The following BTBD9 variants were observed in gnomAD, a reference collection of about 807,000 sequenced individuals.
The protein encoded by BTBD9 is BTB domain containing 9.
BTBD9 carries 49 observed loss-of-function variants against 64.3 expected under a neutral mutation model. The ratio of observed to expected loss-of-function variants is 0.76; its 90% confidence interval spans 0.61 to 0.97. The LOEUF (loss-of-function observed/expected upper bound fraction) is 0.97. Among genes scored for constraint, BTBD9 ranks in the 50% least tolerant of loss-of-function variants. BTBD9 has a pLI of 0.00. For missense variants in BTBD9, 598 were observed against 762.1 expected (o/e 0.78, Z 2.53); for synonymous variants, 260 against 274.7 (o/e 0.95, Z 0.53).
intron 8 of BTBD9, among the ~76,000 whole-genome samples, chr6:38,256,767 T>G (rs773036302): frequency 2.0e-5 from 3 of 152,188 alleles, no homozygotes; most frequent in Non-Finnish European, 4.4e-5. Context: ...CAAAGTTCTT[T>G]ATACTGGTTT....
At chr6:38,412,725 G>A (rs564668814) in intron 6 of BTBD9, among the ~76,000 whole-genome samples, 13 of 152,222 alleles carry the variant, frequency 8.5e-5, no homozygotes, top group Non-Finnish European at 1.5e-4. Context: ...CGGATGTGAT[G>A]GCGTGTGCCT....
intron 9 of BTBD9, among the ~76,000 whole-genome samples, chr6:38,205,872 T>C (rs1314621231): frequency 2.5e-4 from 3 of 12,164 alleles, no homozygotes; most frequent in South Asian, 2.4e-3. Context: ...AGAGCAGGAG[T>C]CTGTCTCAAA....
At chr6:38,239,418 G>A (rs1201950704) in intron 9 of BTBD9, among the ~76,000 whole-genome samples, 6 of 129,786 alleles carry the variant, frequency 4.6e-5, no homozygotes, top group Admixed American at 9.2e-5. Context: ...GTAGCCTGGC[G>A]ACAGAGCAAG....
At chr6:38,194,611 G>T (rs1192835381) in intron 9 of BTBD9, among the ~76,000 whole-genome samples, 1 of 152,194 alleles carries the variant, frequency 6.6e-6, no homozygotes, top group East Asian at 1.9e-4. Context: ...GGCTCTGAGA[G>T]TGAAGGCAGG....
At chr6:38,183,018 C>T (rs539904928) in intron 10 of BTBD9, among the ~76,000 whole-genome samples, 28 of 150,678 alleles carry the variant, frequency 1.9e-4, no homozygotes, top group African/African-American at 4.4e-4. Context: ...CTTGCTCTGT[C>T]GCCCAGGCTG....
intron 6 of BTBD9, among the ~76,000 whole-genome samples, chr6:38,541,199 GA>G (rs1774252375): frequency 6.6e-6 from 1 of 151,880 alleles, no homozygotes; most frequent in Non-Finnish European, 1.5e-5. Context: ...TAAAAAGCAT[GA>G]AAAAAATGAA....
At chr6:38,614,012 G>A (rs534743798) in intron 1 of BTBD9, among the ~76,000 whole-genome samples, 1 of 152,280 alleles carries the variant, frequency 6.6e-6, no homozygotes, top group South Asian at 2.1e-4. Context: ...CTTTGCTGGT[G>A]AGGAGCCCTC....
intron 6 of BTBD9, among the ~76,000 whole-genome samples, chr6:38,485,364 CA>C: frequency 6.6e-6 from 1 of 152,266 alleles, no homozygotes; most frequent in South Asian, 2.1e-4. Context: ...TCAGAGGAAT[CA>C]AAAGAATTTG....
intron 6 of BTBD9, among the ~76,000 whole-genome samples, chr6:38,481,009 T>C (rs1259219714): frequency 6.6e-6 from 1 of 152,188 alleles, no homozygotes; most frequent in African/African-American, 2.4e-5. Flanking sequence ...GAGCTTTATA[T>C]CTAGACTCAA....
At chr6:38,415,280 A>G (rs985494510) in intron 6 of BTBD9, among the ~76,000 whole-genome samples, 2 of 152,146 alleles carry the variant, frequency 1.3e-5, no homozygotes, top group Non-Finnish European at 2.9e-5. Flanking sequence ...GAGATTATTT[A>G]CCCTGGATTA....
intron 6 of BTBD9, among the ~76,000 whole-genome samples, chr6:38,559,661 T>G (rs1775186743): frequency 6.6e-6 from 1 of 152,128 alleles, no homozygotes; most frequent in Non-Finnish European, 1.5e-5. Context: ...AGGCATCACA[T>G]TACCTACTTC....
chr6:38,631,380 C>T (rs1778357056), intron 1 of BTBD9, among the ~76,000 whole-genome samples: 1 of 152,166 alleles, frequency 6.6e-6, no homozygotes, highest in Admixed American at 6.5e-5. Context: ...AATTATTTGA[C>T]TCTCCCCTCA....
At position 38,169,483 on chromosome 6, in the gene BTBD9, C is replaced by CAGATG. The variant is rs3833668; in HGVS notation, c.*5501_*5502insCATCT. 1 of 151,688 alleles carries CAGATG rather than the reference C, an allele frequency of 6.6e-6. No homozygotes were observed. Among genetic ancestry groups the CAGATG allele is most frequent in the Non-Finnish European group, 1.5e-5 (1 of 67,946 alleles). 9.4% of individuals were successfully genotyped at this position (151,688 alleles called of 1,614,324 possible). On this transcript the variant is annotated 3_prime_UTR_variant, in exon 11 of 11. Coordinates refer to ENST00000481247, the MANE Select transcript of BTBD9 (RefSeq NM_001099272.2). ...TGGTGGGGAGCAATTTGGCAGCAGA[C>CAGATG]GGACTAATATCAACGTCTCCAGTGA... is the stretch of plus-strand genomic sequence containing the variant.
At chr6:38,403,109 G>GGAAAGAA (rs142073451) in intron 6 of BTBD9, among the ~76,000 whole-genome samples, 1 of 146,578 alleles carries the variant, frequency 6.8e-6, no homozygotes, top group Admixed American at 6.9e-5. Context: ...GAGGGGAGAA[G>GGAAAGAA]AAGGAAAGAA....
chr6:38,622,750 A>G (rs1261258753), intron 1 of BTBD9, among the ~76,000 whole-genome samples: 1 of 152,286 alleles, frequency 6.6e-6, no homozygotes. Flanking sequence ...CAGTGTAATT[A>G]CACCCTACAA....
chr6:38,465,763 A>G (rs1386127786), intron 6 of BTBD9, among the ~76,000 whole-genome samples: 3 of 108,892 alleles, frequency 2.8e-5, no homozygotes, highest in Admixed American at 2.0e-4. Flanking sequence ...ATATGTATGT[A>G]TGTATGTATT....
intron 7 of BTBD9, among the ~76,000 whole-genome samples, chr6:38,329,070 A>G (rs985591938): frequency 6.6e-6 from 1 of 150,704 alleles, no homozygotes; most frequent in Non-Finnish European, 1.5e-5. Flanking sequence ...CTTCTATTTT[A>G]TATTCTATTA....
At chr6:38,619,542 G>T (rs1424789211) in intron 1 of BTBD9, among the ~76,000 whole-genome samples, 3 of 152,140 alleles carry the variant, frequency 2.0e-5, no homozygotes, top group African/African-American at 4.8e-5. Flanking sequence ...AAGGCACACT[G>T]CCCCAGAGGA....
intron 6 of BTBD9, among the ~76,000 whole-genome samples, chr6:38,470,458 G>C (rs901456649): frequency 6.6e-6 from 1 of 152,192 alleles, no homozygotes; most frequent in Non-Finnish European, 1.5e-5. Context: ...ATAACTCAGG[G>C]AATTGCACAC....
Sources: allele counts gnomAD v4.1 joint callset (sites outside exome capture counted in the v4.1 genomes callset), GRCh38; gene constraint gnomAD v4.1.1; transcripts MANE v1.5; gene names NCBI Gene and HGNC (gene_info 2026-07-23, HGNC 2026-07-21).